The following PRKN variants were observed in gnomAD, a reference collection of about 807,000 sequenced individuals.
PRKN encodes the protein E3 ubiquitin-protein ligase parkin.
PRKN carries 56 observed loss-of-function variants against 59.5 expected under a neutral mutation model. The observed-to-expected ratio is 0.94, with a 90% CI of 0.76 to 1.18. The LOEUF is 1.18. Ranked by LOEUF, PRKN falls within the 50% of genes most tolerant of loss-of-function variation. PRKN has a pLI of 0.00. For synonymous variants in PRKN, 250 were observed against 222.1 expected (o/e 1.13, Z -1.12); for missense variants, 657 against 596.4 (o/e 1.10, Z -1.06).
chr6:161,367,439 C>T (rs983261478), intron 10 of PRKN, among the ~76,000 whole-genome samples: 70 of 150,182 alleles, frequency 4.7e-4, no homozygotes, highest in Non-Finnish European at 7.5e-4. Context: ...TTAGGGGTTA[C>T]GGTGTAGAAA....
At chr6:161,681,401 A>T (rs1437160248) in intron 7 of PRKN, among the ~76,000 whole-genome samples, 2 of 152,134 alleles carry the variant, frequency 1.3e-5, no homozygotes, top group African/African-American at 4.8e-5. Flanking sequence ...AACTTAAGTT[A>T]TCATTTTTAC....
intron 1 of PRKN, among the ~76,000 whole-genome samples, chr6:162,461,715 G>A (rs1251815107): frequency 6.6e-6 from 1 of 150,520 alleles, no homozygotes; most frequent in African/African-American, 2.5e-5. Flanking sequence ...CAGCTACTCG[G>A]GGCGGGGGGC....
chr6:161,621,790 C>T (rs1174790463), intron 7 of PRKN, among the ~76,000 whole-genome samples: 1 of 152,132 alleles, frequency 6.6e-6, no homozygotes, highest in African/African-American at 2.4e-5. Context: ...TGCTGGTCAC[C>T]CATAAATGAG....
At chr6:161,555,322 G>C (rs956844936) in intron 8 of PRKN, among the ~76,000 whole-genome samples, 1 of 152,140 alleles carries the variant, frequency 6.6e-6, no homozygotes, top group Non-Finnish European at 1.5e-5. Context: ...CCATAAGGAT[G>C]CTATTTTGTT....
chr6:162,168,424 G>A (rs2128318853), intron 4 of PRKN, among the ~76,000 whole-genome samples: 1 of 151,624 alleles, frequency 6.6e-6, no homozygotes, highest in African/African-American at 2.4e-5. Flanking sequence ...AGTTCATACT[G>A]GCTACTTGAA....
chr6:162,639,602 C>T (rs1009372756), intron 1 of PRKN, among the ~76,000 whole-genome samples: 10 of 152,142 alleles, frequency 6.6e-5, no homozygotes, highest in African/African-American at 2.4e-4. Flanking sequence ...CACCCCTTCT[C>T]CTACAAGGTT....
At chr6:161,612,520 C>T (rs139338594) in intron 7 of PRKN, among the ~76,000 whole-genome samples, 213 of 151,842 alleles carry the variant, frequency 1.4e-3, no homozygotes, top group African/African-American at 4.9e-3. Context: ...CAGGAGTTCA[C>T]GACCAGCCTG....
At position 162,005,615 on chromosome 6, in the gene PRKN, G is replaced by A. The variant is rs549664962; in HGVS notation, c.619-32198C>T. The stretch of plus-strand genomic sequence containing the variant: ...GTTCTTGCTTGAGTGTTGACAGCCC[G>A]AATCTATTGCCCTGCCGAGAATGCC... On this transcript the variant is annotated intron_variant, in intron 5 of 11. Transcript: ENST00000366898. 4.6e-5 allele frequency among the ~76,000 whole-genome samples: 7 copies of A among 152,030 alleles called. No homozygotes were observed. The East Asian group carries it at 1.2e-3, about 25-fold the overall frequency.
chr6:162,631,083 A>G (rs1008513940), intron 1 of PRKN, among the ~76,000 whole-genome samples: 4 of 152,164 alleles, frequency 2.6e-5, no homozygotes, highest in African/African-American at 9.6e-5. Context: ...AGACCTCACA[A>G]TCTTCTCGGA....
At chr6:161,815,758 C>G (rs2155488) in intron 6 of PRKN, among the ~76,000 whole-genome samples, 36,561 of 151,936 alleles carry the variant, frequency 0.24, 4,700 homozygotes, top group Non-Finnish European at 0.3. Context: ...GAATTGAACC[C>G]ACAGGTCTGT....
intron 9 of PRKN, among the ~76,000 whole-genome samples, chr6:161,427,011 T>G (rs568930792): frequency 6.6e-6 from 1 of 151,950 alleles, no homozygotes; most frequent in East Asian, 1.9e-4. Flanking sequence ...GAGCCACTAC[T>G]CCTGGCCTAC....
intron 7 of PRKN, among the ~76,000 whole-genome samples, chr6:161,721,401 T>C (rs1022538564): frequency 2.6e-5 from 4 of 152,336 alleles, no homozygotes; most frequent in African/African-American, 9.6e-5. Flanking sequence ...CATCCCTGCC[T>C]TGCCCATGGC....
intron 7 of PRKN, among the ~76,000 whole-genome samples, chr6:161,705,447 T>C (rs534470975): frequency 2.6e-5 from 4 of 152,242 alleles, no homozygotes; most frequent in Non-Finnish European, 5.9e-5. Context: ...TCAACCATTG[T>C]GTATCACTTT....
Position 161,842,433 on chromosome 6 carries a change from C to T in PRKN, c.735-56525G>A, listed in dbSNP as rs1793024864. ...GTTGCAGTGAGTGGAGATGGCACCA[C>T]TGCACTCCAGCCTGGGCAACAGAAT... On this transcript the variant is annotated intron_variant, in intron 6 of 11. Coordinates refer to ENST00000366898, the MANE Select transcript of PRKN (RefSeq NM_004562.3). Among the ~76,000 whole-genome samples the T allele has an allele frequency of 2.7e-5, 4 of 148,680 alleles. No homozygotes were observed. In the South Asian group the frequency reaches 6.4e-4, roughly 24 times the overall value.
intron 5 of PRKN, among the ~76,000 whole-genome samples, chr6:162,006,246 A>G (rs12192709): frequency 6.6e-6 from 1 of 152,064 alleles, no homozygotes; most frequent in African/African-American, 2.4e-5. Context: ...CTGGGACTTT[A>G]AAAGAGTTCC....
intron 1 of PRKN, among the ~76,000 whole-genome samples, chr6:162,536,902 T>C (rs1371214547): frequency 6.6e-6 from 1 of 152,190 alleles, no homozygotes; most frequent in Non-Finnish European, 1.5e-5. Context: ...ATGTAACATA[T>C]GTAAGTCTAT....
chr6:162,555,556 C>T (rs1352496490), intron 1 of PRKN, among the ~76,000 whole-genome samples: 3 of 152,024 alleles, frequency 2.0e-5, no homozygotes, highest in African/African-American at 7.2e-5. Flanking sequence ...AGATAACTCA[C>T]CCTCTTGGTT....
intron 6 of PRKN, among the ~76,000 whole-genome samples, chr6:161,966,179 A>G (rs1029260412): frequency 6.6e-6 from 1 of 151,976 alleles, no homozygotes; most frequent in Non-Finnish European, 1.5e-5. Context: ...TAGTCACAAT[A>G]AATAGGGTTA....
chr6:162,508,192 T>A (rs1294553873), intron 1 of PRKN, among the ~76,000 whole-genome samples: 1 of 152,046 alleles, frequency 6.6e-6, no homozygotes, highest in Non-Finnish European at 1.5e-5. Context: ...GATAAACCCA[T>A]TAGACCTCCT....
Sources: allele counts gnomAD v4.1 joint callset (sites outside exome capture counted in the v4.1 genomes callset), GRCh38; gene constraint gnomAD v4.1.1; transcripts MANE v1.5; gene names NCBI Gene and HGNC (gene_info 2026-07-23, HGNC 2026-07-21).